MTUS2: variants seen among roughly 807,000 people sequenced by gnomAD.
MTUS2 encodes the protein microtubule associated scaffold protein 2.
In MTUS2, 40 loss-of-function variants were observed where a neutral mutation model predicts 114.1. The ratio of observed to expected loss-of-function variants is 0.35; its 90% CI spans 0.27 to 0.46. The LOEUF (loss-of-function observed/expected upper bound fraction) is 0.46, where lower values mean the gene tolerates loss of function less well. MTUS2 is among the 20% of genes least tolerant of loss of function. MTUS2 has a pLI of 1.00. For synonymous variants in MTUS2, 688 were observed against 672.0 expected (o/e 1.02, Z -0.37); for missense variants, 1,679 against 1,705.4 (o/e 0.98, Z 0.27).
intron 7 of MTUS2, among the ~76,000 whole-genome samples, chr13:29,332,090 G>T (rs1242900403): frequency 6.6e-6 from 1 of 152,154 alleles, no homozygotes; most frequent in Non-Finnish European, 1.5e-5. Context: ...AGTTAGGGAG[G>T]AGTCCTTCTT....
intron 8 of MTUS2, among the ~76,000 whole-genome samples, chr13:29,426,050 A>G (rs1319156559): frequency 6.6e-6 from 1 of 152,160 alleles, no homozygotes; most frequent in Non-Finnish European, 1.5e-5. Flanking sequence ...CTTTAAATCA[A>G]TGTAGGGAGT....
chr13:29,160,194 A>G (rs2139074642), intron 5 of MTUS2, among the ~76,000 whole-genome samples: 1 of 152,318 alleles, frequency 6.6e-6, no homozygotes, highest in African/African-American at 2.4e-5. Flanking sequence ...TTGACCCTTG[A>G]GCAACACAGC....
Position 28,955,110 on chromosome 13 carries a change from G to T in MTUS2, c.-242-69347G>T, listed in dbSNP as rs144540656. ...TGGCAGAGCTGCTATTCAGAGTCTG[G>T]TCTGATAGGATCCAAAGACTTTGCC... is the stretch of plus-strand genomic sequence containing the variant. On this transcript the variant is annotated intron_variant, in intron 2 of 15. Coordinates refer to ENST00000612955, the MANE Select transcript of MTUS2 (RefSeq NM_001033602.4). 1.7e-3 allele frequency among the ~76,000 whole-genome samples: 262 copies of T among 152,302 alleles called. 3 individuals are homozygous for T. In the East Asian group the frequency reaches 0.019, roughly 11 times the overall value.
intron 7 of MTUS2, among the ~76,000 whole-genome samples, chr13:29,327,986 A>G (rs1900597751): frequency 3.3e-5 from 5 of 152,144 alleles, no homozygotes. Flanking sequence ...ATAACTGATG[A>G]TGTTATAATG....
chr13:28,962,104 G>C (rs1162376425), intron 2 of MTUS2, among the ~76,000 whole-genome samples: 2 of 151,132 alleles, frequency 1.3e-5, no homozygotes, highest in African/African-American at 4.9e-5. Context: ...ATAAAATGAA[G>C]ATATTTAAAA....
intron 2 of MTUS2, among the ~76,000 whole-genome samples, chr13:28,971,613 T>A (rs1432613328): frequency 1.3e-5 from 2 of 152,210 alleles, no homozygotes; most frequent in Non-Finnish European, 2.9e-5. Flanking sequence ...TTATTTGCAT[T>A]ATATAATGGG....
At chr13:28,836,201 T>G (rs80066136) in intron 1 of MTUS2, among the ~76,000 whole-genome samples, 5,281 of 152,320 alleles carry the variant, frequency 0.035, 325 homozygotes, top group African/African-American at 0.12. Flanking sequence ...GGAAATATTT[T>G]ACATTTTTTC....
At chr13:29,231,496 G>T (rs1330781714) in intron 5 of MTUS2, among the ~76,000 whole-genome samples, 2 of 152,128 alleles carry the variant, frequency 1.3e-5, no homozygotes, top group African/African-American at 2.4e-5. Context: ...AACTTGTCCT[G>T]CACGTTTTGC....
In MTUS2 at chr13:29,044,438, G is replaced by T. The variant is rs78599199; in HGVS notation, c.2446+10313G>T. On this transcript the variant is annotated intron_variant, in intron 4 of 15. Transcript: ENST00000612955. ...TTGTTTTCTTCATGTTTTTGTGCTTGAAGTTTGTTGAGATTTTTGGATCTG... is the reference window on the plus strand; with the variant it reads ...TTGTTTTCTTCATGTTTTTGTGCTTTAAGTTTGTTGAGATTTTTGGATCTG... Among the ~76,000 whole-genome samples the T allele has an allele frequency of 1.1e-3, 172 of 152,200 alleles. 2 individuals carry two copies. The East Asian group carries it at 0.031, about 28-fold the overall frequency.
intron 2 of MTUS2, among the ~76,000 whole-genome samples, chr13:29,020,956 G>A (rs1460958944): frequency 6.6e-6 from 1 of 152,114 alleles, no homozygotes; most frequent in Non-Finnish European, 1.5e-5. Context: ...ACTTGTAATT[G>A]TGTAATTTTA....
At chr13:29,169,313 G>A (rs750064616) in intron 5 of MTUS2, among the ~76,000 whole-genome samples, 8 of 152,162 alleles carry the variant, frequency 5.3e-5, no homozygotes, top group Non-Finnish European at 1.0e-4. Flanking sequence ...AAGCACATTG[G>A]TAGTATGATT....
chr13:29,285,461 G>A (rs915798535), intron 6 of MTUS2, among the ~76,000 whole-genome samples: 2 of 152,178 alleles, frequency 1.3e-5, no homozygotes, highest in African/African-American at 4.8e-5. Context: ...TCAGTATGAG[G>A]AATCACCAGA....
chr13:29,263,856 G>A (rs951562212), intron 5 of MTUS2, among the ~76,000 whole-genome samples: 3 of 152,080 alleles, frequency 2.0e-5, no homozygotes, highest in African/African-American at 7.2e-5. Context: ...AGATTTGGTG[G>A]GGACACAGAT....
chr13:29,499,165 A>G (rs868710927), intron 14 of MTUS2, among the ~76,000 whole-genome samples: 5 of 152,148 alleles, frequency 3.3e-5, no homozygotes, highest in Non-Finnish European at 7.3e-5. Context: ...GGACACAAAC[A>G]TTCAGTCCAG....
intron 9 of MTUS2, among the ~76,000 whole-genome samples, chr13:29,452,036 A>G (rs1306992895): frequency 2.0e-5 from 3 of 152,200 alleles, no homozygotes; most frequent in Non-Finnish European, 4.4e-5. Flanking sequence ...GAAAATTTCA[A>G]ACCAGTGATG....
At chr13:28,963,017 T>G (rs946652981) in intron 2 of MTUS2, among the ~76,000 whole-genome samples, 1 of 152,174 alleles carries the variant, frequency 6.6e-6, no homozygotes, top group Non-Finnish European at 1.5e-5. Context: ...CTTTCTTTTT[T>G]GTAGAAGTTT....
rs144499520 is a variant in MTUS2, at chr13:28,962,264, A to G, written c.-242-62193A>G. 2.6e-5 allele frequency among the ~76,000 whole-genome samples: 4 copies of G among 152,216 alleles called. No homozygotes were observed. The East Asian group carries it at 7.7e-4, about 29-fold the overall frequency. On this transcript the variant is annotated intron_variant, in intron 2 of 15. Transcript: ENST00000612955. ...GTACTCTTCCACCAGTCAAGTCAAG[A>G]GTCTAGATGTGTTTTCATCTCTCTT... is the stretch of plus-strand genomic sequence containing the variant.
intron 4 of MTUS2, among the ~76,000 whole-genome samples, chr13:29,092,585 C>T (rs919911209): frequency 1.1e-4 from 16 of 152,114 alleles, no homozygotes; most frequent in Non-Finnish European, 1.5e-4. Flanking sequence ...AATGCGGGTA[C>T]GAGCTGGGCC....
intron 2 of MTUS2, among the ~76,000 whole-genome samples, chr13:29,004,401 C>G (rs1452732347): frequency 2.0e-5 from 3 of 152,112 alleles, no homozygotes; most frequent in African/African-American, 7.2e-5. Flanking sequence ...CAAAATAACT[C>G]CCAATGCGTA....
Sources: allele counts gnomAD v4.1 joint callset (sites outside exome capture counted in the v4.1 genomes callset), GRCh38; gene constraint gnomAD v4.1.1; transcripts MANE v1.5; gene names NCBI Gene and HGNC (gene_info 2026-07-23, HGNC 2026-07-21).